The following RANBP2 variants were observed in gnomAD, a reference collection of about 807,000 sequenced individuals.
RANBP2 encodes E3 SUMO-protein ligase RanBP2.
RANBP2 carries 57 observed loss-of-function variants against 303.6 expected under a neutral mutation model. The ratio of observed to expected loss-of-function variants is 0.19; its 90% CI spans 0.15 to 0.23. The LOEUF (loss-of-function observed/expected upper bound fraction) is 0.23, where lower values mean the gene tolerates loss of function less well. Among genes scored for constraint, RANBP2 ranks in the 10% least tolerant of loss-of-function variants. The probability of loss-of-function intolerance (pLI) is 1.00; values close to 1 mark genes in which losing one functional copy is unlikely to be tolerated. For missense variants in RANBP2, 3,138 were observed against 3,780.8 expected (o/e 0.83, Z 4.46); for synonymous variants, 1,167 against 1,301.5 (o/e 0.90, Z 2.23).
the RANBP2 span, among the ~76,000 whole-genome samples, chr2:109,475,995 G>C: frequency 6.6e-6 from 1 of 152,344 alleles, no homozygotes; most frequent in South Asian, 2.1e-4. Flanking sequence ...TTCTTGCTCA[G>C]CTGAAACTGT....
chr2:109,383,746 G>A, the RANBP2 span, among the ~76,000 whole-genome samples: 48 of 152,226 alleles, frequency 3.2e-4, no homozygotes, highest in Non-Finnish European at 5.6e-4. Context: ...TTTTATAAAC[G>A]CCTCCCAAAT....
At chr2:108,855,616 G>A in the RANBP2 span, among the ~76,000 whole-genome samples, 1 of 152,106 alleles carries the variant, frequency 6.6e-6, no homozygotes, top group Non-Finnish European at 1.5e-5. Context: ...GTACAGTAAT[G>A]TTGGTGTTCC....
chr2:109,613,888 G>A, the RANBP2 span: 88 of 1,229,602 alleles, frequency 7.2e-5, no homozygotes, highest in Admixed American at 1.7e-4. Flanking sequence ...GGCTGGTCCC[G>A]GCGACGGCGG....
chr2:109,143,290 C>A, the RANBP2 span, among the ~76,000 whole-genome samples: 1 of 152,140 alleles, frequency 6.6e-6, no homozygotes, highest in Non-Finnish European at 1.5e-5. Context: ...TATCGTGAAA[C>A]TGAGGCTTGG....
the RANBP2 span, among the ~76,000 whole-genome samples, chr2:108,988,692 T>C: frequency 1.3e-5 from 2 of 152,204 alleles, no homozygotes; most frequent in Non-Finnish European, 2.9e-5. Context: ...TCTTAAAGCC[T>C]GTGAAGCACA....
chr2:109,231,992 C>G, the RANBP2 span, among the ~76,000 whole-genome samples: 1 of 152,300 alleles, frequency 6.6e-6, no homozygotes, highest in Admixed American at 6.5e-5. Context: ...CTTTTTAGTA[C>G]TGATGTGTAT....
chr2:109,209,901 CT>C, the RANBP2 span, among the ~76,000 whole-genome samples: 123 of 151,782 alleles, frequency 8.1e-4, 1 homozygote, highest in Middle Eastern at 6.8e-3. Flanking sequence ...TACGTCCCCC[CT>C]GTTTTGTAAC....
At chr2:108,887,931 T>A in the RANBP2 span, among the ~76,000 whole-genome samples, 27 of 152,342 alleles carry the variant, frequency 1.8e-4, 1 homozygote, top group East Asian at 4.8e-3. Context: ...AACTGGGGCA[T>A]CCTTGTCTTA....
At chr2:108,941,987 G>T in the RANBP2 span, among the ~76,000 whole-genome samples, 1 of 152,220 alleles carries the variant, frequency 6.6e-6, no homozygotes, top group Non-Finnish European at 1.5e-5. Context: ...GGGGAAGGTG[G>T]CTGCCTTTCA....
chr2:109,023,777 C>G, the RANBP2 span, among the ~76,000 whole-genome samples: 1 of 152,144 alleles, frequency 6.6e-6, no homozygotes, highest in Non-Finnish European at 1.5e-5. Context: ...CTATCGCTCT[C>G]CAGCTTGGGC....
chr2:109,500,804 G>A, the RANBP2 span, among the ~76,000 whole-genome samples: 1 of 151,998 alleles, frequency 6.6e-6, no homozygotes, highest in African/African-American at 2.4e-5. Context: ...ATTAGAAATT[G>A]GCTGGGCATG....
chr2:109,139,947 G>A, the RANBP2 span, among the ~76,000 whole-genome samples: 3 of 152,180 alleles, frequency 2.0e-5, no homozygotes, highest in Non-Finnish European at 4.4e-5. Flanking sequence ...GGCAGATGGA[G>A]GCTGTTTGTC....
chr2:109,343,636 C>G, the RANBP2 span, among the ~76,000 whole-genome samples: 2 of 152,146 alleles, frequency 1.3e-5, no homozygotes, highest in Non-Finnish European at 1.5e-5. Context: ...CAGACTCGAG[C>G]CCAGCAGGTG....
chr2:109,624,686 G>A, the RANBP2 span, among the ~76,000 whole-genome samples: 3 of 152,136 alleles, frequency 2.0e-5, no homozygotes, highest in Non-Finnish European at 1.5e-5. Context: ...ACTTGGAAAC[G>A]CAGTTGAAGA....
chr2:108,862,633 A>G, the RANBP2 span, among the ~76,000 whole-genome samples: 1 of 152,248 alleles, frequency 6.6e-6, no homozygotes, highest in African/African-American at 2.4e-5. Flanking sequence ...ATGTTTACAT[A>G]CTACATGATA....
chr2:108,897,332 T>C, the RANBP2 span: 1 of 1,170,096 alleles, frequency 8.5e-7, no homozygotes, highest in South Asian at 1.4e-5. Flanking sequence ...TGAAAAAAAT[T>C]TTTTTAAAAT....
chr2:108,863,278 AATCCTAC>A, the RANBP2 span, among the ~76,000 whole-genome samples: 1 of 152,230 alleles, frequency 6.6e-6, no homozygotes, highest in African/African-American at 2.4e-5. Flanking sequence ...GCACCAACCT[AATCCTAC>A]ATACATATCA....
intron 20 of RANBP2, among the ~76,000 whole-genome samples, chr2:108,770,923 G>C (rs1677453377): frequency 6.6e-6 from 1 of 152,192 alleles, no homozygotes; most frequent in East Asian, 1.9e-4. Flanking sequence ...GGACACCATA[G>C]CTCTCAGAAT....
the RANBP2 span, among the ~76,000 whole-genome samples, chr2:108,818,955 T>C: frequency 1.3e-5 from 2 of 152,132 alleles, no homozygotes; most frequent in African/African-American, 4.8e-5. Flanking sequence ...TCTTGTGTGA[T>C]TCAGTAACAT....
Sources: allele counts gnomAD v4.1 joint callset (sites outside exome capture counted in the v4.1 genomes callset), GRCh38; gene constraint gnomAD v4.1.1; transcripts MANE v1.5; gene names NCBI Gene and HGNC (gene_info 2026-07-23, HGNC 2026-07-21).